The following ZNF385D variants were observed in gnomAD, a reference collection of about 807,000 sequenced individuals.
ZNF385D encodes zinc finger protein 659.
Under a neutral mutation model 35.8 loss-of-function variants are expected in ZNF385D, and 15 were observed. The ratio of observed to expected loss-of-function variants is 0.42; its 90% CI spans 0.28 to 0.64. The LOEUF is 0.64. ZNF385D is among the 30% of genes least tolerant of loss of function. ZNF385D has a pLI of 0.23. For missense variants in ZNF385D, 474 were observed against 494.6 expected (o/e 0.96, Z 0.39); for synonymous variants, 212 against 186.8 (o/e 1.13, Z -1.10).
chr3:21,774,998 G>A (rs902700319), intron 3 of ZNF385D, among the ~76,000 whole-genome samples: 1 of 151,826 alleles, frequency 6.6e-6, no homozygotes, highest in Non-Finnish European at 1.5e-5. Flanking sequence ...AACCACTGCA[G>A]TTAAAATACT....
At chr3:21,696,651 C>T (rs1335526546) in intron 1 of ZNF385D, among the ~76,000 whole-genome samples, 4 of 152,212 alleles carry the variant, frequency 2.6e-5, no homozygotes, top group African/African-American at 9.6e-5. Context: ...ATCCATCAGA[C>T]AGTAGCTCTT....
At chr3:22,103,064 T>C (rs1702026769) in intron 3 of ZNF385D, among the ~76,000 whole-genome samples, 1 of 151,696 alleles carries the variant, frequency 6.6e-6, no homozygotes, top group Non-Finnish European at 1.5e-5. Flanking sequence ...AAGACTGATT[T>C]TCCTATTAAA....
At chr3:22,369,790 A>T (rs1696816218) in intron 2 of ZNF385D, among the ~76,000 whole-genome samples, 1 of 152,174 alleles carries the variant, frequency 6.6e-6, no homozygotes, top group South Asian at 2.1e-4. Context: ...ACTTGTTCTT[A>T]CTCCTACTTT....
intron 3 of ZNF385D, among the ~76,000 whole-genome samples, chr3:21,789,020 G>A (rs1409643649): frequency 2.0e-5 from 3 of 151,688 alleles, no homozygotes; most frequent in Non-Finnish European, 4.4e-5. Flanking sequence ...GGAAGTTGTG[G>A]AAAAAAGTAT....
At chr3:22,275,844 G>A (rs531248531) in intron 2 of ZNF385D, among the ~76,000 whole-genome samples, 29 of 152,266 alleles carry the variant, frequency 1.9e-4, no homozygotes, top group Non-Finnish European at 4.4e-5. Context: ...CTGCACTTTG[G>A]GAGGCTGAGG....
chr3:21,821,801 A>T (rs936506676), intron 3 of ZNF385D, among the ~76,000 whole-genome samples: 25 of 151,566 alleles, frequency 1.6e-4, no homozygotes, highest in Non-Finnish European at 1.5e-4. Flanking sequence ...TCTCTACAAA[A>T]TTTTTTTTAA....
intron 3 of ZNF385D, among the ~76,000 whole-genome samples, chr3:21,986,484 G>A (rs1021278281): frequency 1.3e-4 from 16 of 123,888 alleles, no homozygotes; most frequent in Admixed American, 9.4e-4. Context: ...AGCTTTGAGT[G>A]AGATTCTTAA....
intron 3 of ZNF385D, among the ~76,000 whole-genome samples, chr3:22,146,977 A>T (rs920519357): frequency 6.6e-6 from 1 of 152,182 alleles, no homozygotes. Context: ...ACAGTAAGCT[A>T]ATCAAACGAA....
At chr3:21,845,710 G>A (rs1313789355) in intron 3 of ZNF385D, among the ~76,000 whole-genome samples, 1 of 151,856 alleles carries the variant, frequency 6.6e-6, no homozygotes, top group African/African-American at 2.4e-5. Flanking sequence ...ATAACATCAG[G>A]ATCTTCAGTG....
intron 3 of ZNF385D, among the ~76,000 whole-genome samples, chr3:21,853,061 CCATTTCA>C (rs1207116489): frequency 3.2e-4 from 1 of 3,132 alleles, no homozygotes. Context: ...CCATACATTT[CCATTTCA>C]AAAAACTGAC....
intron 3 of ZNF385D, among the ~76,000 whole-genome samples, chr3:21,548,474 A>T (rs560781963): frequency 9.2e-5 from 14 of 152,094 alleles, no homozygotes; most frequent in Non-Finnish European, 4.4e-5. Flanking sequence ...ACTGCATTTT[A>T]TCTTCCTCCT....
intron 1 of ZNF385D, among the ~76,000 whole-genome samples, chr3:21,684,404 C>CTT (rs1211451693): frequency 1.4e-5 from 1 of 70,666 alleles, no homozygotes; most frequent in East Asian, 6.5e-4. Flanking sequence ...CTCTCTCTCT[C>CTT]CTCTCTCTCT....
At chr3:21,769,929 A>G (rs890962329) in intron 3 of ZNF385D, among the ~76,000 whole-genome samples, 1 of 151,932 alleles carries the variant, frequency 6.6e-6, no homozygotes, top group Non-Finnish European at 1.5e-5. Flanking sequence ...CAGAAATAAT[A>G]CCACACATCT....
intron 4 of ZNF385D, among the ~76,000 whole-genome samples, chr3:21,456,228 A>G (rs1359639005): frequency 1.3e-5 from 2 of 152,176 alleles, no homozygotes; most frequent in African/African-American, 4.8e-5. Flanking sequence ...CAGCCATCCC[A>G]TTACTGGGTA....
At chr3:21,794,795 T>C (rs2072077927) in intron 3 of ZNF385D, among the ~76,000 whole-genome samples, 1 of 152,156 alleles carries the variant, frequency 6.6e-6, no homozygotes, top group Non-Finnish European at 1.5e-5. Context: ...AAAGGCTCAA[T>C]CTGAAACCCT....
chr3:22,256,618 A>T (rs1700332630), intron 2 of ZNF385D, among the ~76,000 whole-genome samples: 1 of 151,950 alleles, frequency 6.6e-6, no homozygotes, highest in African/African-American at 2.4e-5. Flanking sequence ...ATCTGTCACA[A>T]AACATTTGCT....
At chr3:21,674,895 AATGGATGGATGGATGG>A (rs150113836) in intron 1 of ZNF385D, among the ~76,000 whole-genome samples, 9 of 150,428 alleles carry the variant, frequency 6.0e-5, no homozygotes, top group South Asian at 4.2e-4. Context: ...TTGTTTTAGA[AATGGATGGATGGATGG>A]ATGGATGGAT....
At chr3:21,774,743 G>T (rs2071218055) in intron 3 of ZNF385D, among the ~76,000 whole-genome samples, 1 of 151,864 alleles carries the variant, frequency 6.6e-6, no homozygotes, top group Non-Finnish European at 1.5e-5. Context: ...ACATGATTTT[G>T]GCTTTCCCAG....
intron 3 of ZNF385D, among the ~76,000 whole-genome samples, chr3:21,997,255 A>G (rs1371806820): frequency 6.6e-6 from 1 of 152,168 alleles, no homozygotes; most frequent in Non-Finnish European, 1.5e-5. Context: ...AGGACAGAAA[A>G]CCAAATACCA....
Sources: allele counts gnomAD v4.1 joint callset (sites outside exome capture counted in the v4.1 genomes callset), GRCh38; gene constraint gnomAD v4.1.1; transcripts MANE v1.5; gene names NCBI Gene and HGNC (gene_info 2026-07-23, HGNC 2026-07-21).